Variants in TF observed in about 807,000 individuals in gnomAD.
TF encodes the protein serotransferrin.
A neutral mutation model predicts 82.4 loss-of-function variants in TF; 55 were observed. The observed-to-expected ratio is 0.67, with a 90% CI of 0.54 to 0.84. TF has a LOEUF of 0.84. Ranked by LOEUF, TF falls within the 40% of genes least tolerant of loss-of-function variation. The pLI is 0.00. For missense variants in TF, 737 were observed against 868.4 expected (o/e 0.85, Z 1.90); for synonymous variants, 332 against 332.6 (o/e 1.00, Z 0.02).
chr3:133,686,369 A>G, the TF span, among the ~76,000 whole-genome samples: 6 of 152,256 alleles, frequency 3.9e-5, no homozygotes, highest in South Asian at 4.1e-4. Flanking sequence ...AAACTAAAGA[A>G]CTTCTGCACA....
chr3:133,768,017 C>T lies in TF; in HGVS notation c.1487-12C>T. 1 of 1,614,074 alleles carries T rather than the reference C, an allele frequency of 6.2e-7. No homozygotes were observed. Among genetic ancestry groups the T allele is most frequent in the Non-Finnish European group, 8.5e-7 (1 of 1,179,956 alleles). The stretch of plus-strand genomic sequence containing the variant: ...TCAGGAAAAGCTGACTTCCTCTTGT[C>T]CTTCTGCACAGATGAATTTTTCAGT... On this transcript the variant is annotated splice_polypyrimidine_tract_variant and intron_variant, in intron 12 of 16. Transcript: ENST00000402696.
chr3:133,715,798 C>T, the TF span, among the ~76,000 whole-genome samples: 1 of 152,172 alleles, frequency 6.6e-6, no homozygotes, highest in Admixed American at 6.5e-5. Context: ...AGACTACTCC[C>T]ACCACTCCAA....
chr3:133,759,637 G>A (rs1273288867), intron 9 of TF, among the ~76,000 whole-genome samples: 1 of 152,138 alleles, frequency 6.6e-6, no homozygotes, highest in African/African-American at 2.4e-5. Context: ...CACGATCACT[G>A]AGATAAGATC....
the TF span, among the ~76,000 whole-genome samples, chr3:133,685,791 T>G: frequency 6.6e-6 from 1 of 152,152 alleles, no homozygotes; most frequent in Non-Finnish European, 1.5e-5. Flanking sequence ...AATTTATAGA[T>G]TCAATGCTAT....
Position 133,790,853 on chromosome 3 carries a change from A to T in TF, c.*12233A>T, listed in dbSNP as rs147698463. ...TATGGTGATATTGGTGAACTTAAGG[A>T]TACTGAATTGTGTATCAGGAACAAA... On this transcript the variant is annotated 3_prime_UTR_variant, in exon 17 of 17. Transcript: ENST00000402696. 7 of 152,272 alleles carry T rather than the reference A, an allele frequency of 4.6e-5. No individual in the cohort carries two copies. Among genetic ancestry groups the T allele is most frequent in the Non-Finnish European group, 8.8e-5 (6 of 68,018 alleles). 9.4% of individuals were successfully genotyped at this position (152,272 alleles called of 1,614,324 possible). A position where few individuals can be genotyped will look rare whatever the true frequency, so the allele number is the denominator to read the frequency against.
the TF span, among the ~76,000 whole-genome samples, chr3:133,665,665 C>T: frequency 4.0e-5 from 6 of 151,676 alleles, no homozygotes. Flanking sequence ...GAAAAGGAGG[C>T]CGGGAGTGGT....
rs779028974 is a variant in TF at position 133,790,572 on chromosome 3, A to C, written c.*11952A>C. 2.0e-5 allele frequency: 3 copies of C among 152,244 alleles called. No homozygotes were observed. Among genetic ancestry groups the C allele is most frequent in the Non-Finnish European group, 4.4e-5 (3 of 68,048 alleles). 9.4% of individuals were successfully genotyped at this position (152,244 alleles called of 1,614,324 possible). ...TAAAACCTGATAGAGAATTGGAGAT[A>C]TTTGGCTAATTAACATTTTCATAGT... On this transcript the variant is annotated 3_prime_UTR_variant, in exon 17 of 17. Coordinates refer to ENST00000402696, the MANE Select transcript of TF (RefSeq NM_001063.4).
At chr3:133,753,967 A>C (rs1014174060) in intron 3 of TF, 31 of 573,554 alleles carry the variant, frequency 5.4e-5, no homozygotes, top group Non-Finnish European at 8.7e-5. Context: ...GGCTGTGTGC[A>C]GCTTGACCTG....
At chr3:133,746,192 A>G (rs1043817558), upstream of TF, 21 of 591,718 alleles carry the variant, frequency 3.5e-5, no homozygotes, top group Non-Finnish European at 6.4e-5. Context: ...CTTCCCATCA[A>G]CATTTCTGTG....
chr3:133,775,358 C>A, intron 14 of TF, 75 bp from the exon 15 acceptor site: 1 of 1,502,662 alleles, frequency 6.7e-7, no homozygotes, highest in Non-Finnish European at 9.3e-7. Context: ...CTACACACCA[C>A]TGAGTCAGTT....
the TF span, among the ~76,000 whole-genome samples, chr3:133,684,168 C>A: frequency 2.6e-5 from 4 of 152,118 alleles, no homozygotes; most frequent in East Asian, 3.8e-4. Flanking sequence ...AACAAAGACA[C>A]AATATATCAG....
upstream of TF, among the ~76,000 whole-genome samples, chr3:133,745,773 C>T (rs868704696): frequency 1.3e-5 from 2 of 152,090 alleles, no homozygotes; most frequent in African/African-American, 2.4e-5. Context: ...AGCTTGAGGG[C>T]GGGAAGTTTT....
chr3:133,682,640 G>A, the TF span, among the ~76,000 whole-genome samples: 7 of 152,154 alleles, frequency 4.6e-5, no homozygotes, highest in African/African-American at 1.4e-4. Context: ...GAAATGAAGT[G>A]AGAACAGAAG....
chr3:133,737,171 C>T, the TF span, among the ~76,000 whole-genome samples: 1 of 152,192 alleles, frequency 6.6e-6, no homozygotes, highest in Non-Finnish European at 1.5e-5. Context: ...TCACTCAAAA[C>T]TGCACAACTA....
the TF span, among the ~76,000 whole-genome samples, chr3:133,726,119 T>C: frequency 2.6e-5 from 4 of 152,240 alleles, no homozygotes; most frequent in Non-Finnish European, 5.9e-5. Flanking sequence ...TAAAATTCTC[T>C]TTTTTGATTG....
At position 133,780,036 on chromosome 3, in the gene TF, C is replaced by T. The variant is rs1934484264; in HGVS notation, c.*1416C>T. 1 of 152,166 alleles carries T rather than the reference C, an allele frequency of 6.6e-6. No individual in the cohort carries two copies. Among genetic ancestry groups the T allele is most frequent in the South Asian group, 2.1e-4 (1 of 4,828 alleles). The allele number at this position is 152,166 out of a possible 1,614,324, so 9.4% of individuals were successfully genotyped here. ...AGTTGGCTCCTTTCTTTTCCTGACT[C>T]CTAACACAGCCTCATCTTATACTCA... On this transcript the variant is annotated 3_prime_UTR_variant, in exon 17 of 17. Coordinates refer to ENST00000402696, the MANE Select transcript of TF (RefSeq NM_001063.4).
At chr3:133,702,034 G>A in the TF span, 22,420 of 153,082 alleles carry the variant, frequency 0.15, 2,181 homozygotes, top group Middle Eastern at 0.22. Flanking sequence ...GTGCCTTGGC[G>A]TGCACCATGG....
chr3:133,766,143 G>T, intron 11 of TF, 135 bp from the exon 12 acceptor site: 1 of 882,712 alleles, frequency 1.1e-6, no homozygotes, highest in Non-Finnish European at 1.9e-6. Context: ...CCCTCAGTCA[G>T]ATACTGGGAA....
intron 11 of TF, among the ~76,000 whole-genome samples, chr3:133,765,793 A>G (rs1934112629): frequency 1.3e-5 from 2 of 152,214 alleles, no homozygotes; most frequent in Non-Finnish European, 2.9e-5. Context: ...AGCTGACTTG[A>G]TATTGACATT....
Sources: gnomAD v4.1 joint callset for allele counts (sites outside exome capture counted in the v4.1 genomes callset) on GRCh38, gnomAD v4.1.1 for gene constraint, MANE v1.5 for transcripts, NCBI Gene and HGNC (gene_info 2026-07-23, HGNC 2026-07-21) for gene names.